The following HPCAL1 variants were observed in gnomAD, a reference collection of about 807,000 sequenced individuals.
HPCAL1 encodes hippocalcin like 1.
In HPCAL1, 8 loss-of-function variants were observed where a neutral mutation model predicts 17.1. The ratio of observed to expected loss-of-function variants is 0.47; its 90% CI spans 0.27 to 0.84. The LOEUF (loss-of-function observed/expected upper bound fraction) is 0.84, where lower values mean the gene tolerates loss of function less well. Ranked by LOEUF, HPCAL1 falls within the 40% of genes least tolerant of loss-of-function variation. The pLI, the probability that HPCAL1 is intolerant of heterozygous loss-of-function variation, is 0.13. For synonymous variants in HPCAL1, 112 were observed against 111.4 expected, an observed-to-expected ratio of 1.01 and a Z score of -0.03; for missense variants, 165 against 271.1, an observed-to-expected ratio of 0.61 and a Z score of 2.75.
rs1666678540 is a variant in HPCAL1 at position 10,363,934 on chromosome 2, G to A, written c.-110-32901G>A. On this transcript the variant is annotated intron_variant, in intron 1 of 4. Transcript: ENST00000307845. This position sits in a 1 kb window ranked among gnomAD's most constrained non-coding sequence, Gnocchi z 4.7. Reference sequence around the variant, plus strand: ...AGTGCCCTGAGCCGACTCAGCTGGTGCTCAGGGAGGCCTGATGATTCGGGG... The same window carrying A: ...AGTGCCCTGAGCCGACTCAGCTGGTACTCAGGGAGGCCTGATGATTCGGGG... Among the ~76,000 whole-genome samples the A allele has an allele frequency of 2.0e-5, 3 of 152,358 alleles. No homozygotes were observed. The South Asian group carries it at 6.2e-4, about 32-fold the overall frequency.
Position 10,323,443 on chromosome 2 carries a change from T to TGGCCCC in HPCAL1, c.-111+20267_-111+20272dup, listed in dbSNP as rs141326525. 6.8e-3 allele frequency among the ~76,000 whole-genome samples: 1,039 copies of TGGCCCC among 152,348 alleles called. 17 individuals carry two copies. Among genetic ancestry groups the TGGCCCC allele is most frequent in the African/African-American group, 0.024 (995 of 41,576 alleles). ...ATTCAGCTTTGTTTCATGCTGGATC[T>TGGCCCC]GGCCCCAGGCCTGCACCTGGCCCTG... On this transcript the variant is annotated intron_variant, in intron 1 of 4. Transcript: ENST00000307845. The surrounding 1 kb of genome is among the most constrained non-coding windows in gnomAD (Gnocchi z 4.6).
At chr2:10,375,822 G>T (rs1667521488) in intron 1 of HPCAL1, among the ~76,000 whole-genome samples, 1 of 152,188 alleles carries the variant, frequency 6.6e-6, no homozygotes, top group Admixed American at 6.5e-5. Context: ...CGAAGGAATC[G>T]ATTGACAAAC....
chr2:10,382,646 G>A (rs1377384190), intron 1 of HPCAL1, among the ~76,000 whole-genome samples: 1 of 151,238 alleles, frequency 6.6e-6, no homozygotes, highest in Non-Finnish European at 1.5e-5. Context: ...ACTGCGTGGA[G>A]GGCCACGCAT....
At chr2:10,358,831 G>A (rs115090935) in intron 1 of HPCAL1, among the ~76,000 whole-genome samples, 1,713 of 152,238 alleles carry the variant, frequency 0.011, 38 homozygotes, top group African/African-American at 0.039. Context: ...GGTACACCAA[G>A]GCAGGAACCA....
chr2:10,357,686 C>T (rs1305591300), intron 1 of HPCAL1, among the ~76,000 whole-genome samples: 1 of 152,196 alleles, frequency 6.6e-6, no homozygotes, highest in African/African-American at 2.4e-5. Context: ...GTTTGTAGAA[C>T]AGTTATTTAC....
chr2:10,345,007 CAGTCTCTTTCT>C (rs1265252920), intron 1 of HPCAL1, among the ~76,000 whole-genome samples: 1 of 151,612 alleles, frequency 6.6e-6, no homozygotes, highest in African/African-American at 2.4e-5. Context: ...CTGTGCCTTT[CAGTCTCTTTCT>C]GCCTCTCTCT....
At chr2:10,325,375 C>G (rs1254253966) in intron 1 of HPCAL1, among the ~76,000 whole-genome samples, 1 of 152,206 alleles carries the variant, frequency 6.6e-6, no homozygotes, top group African/African-American at 2.4e-5. Context: ...GCCTCTGAGG[C>G]TATCATTATT....
rs1443716969 is a variant in HPCAL1, at chr2:10,365,835, C to T, written c.-110-31000C>T. On this transcript the variant is annotated intron_variant, in intron 1 of 4. Coordinates refer to ENST00000307845, the MANE Select transcript of HPCAL1 (RefSeq NM_002149.4). The surrounding 1 kb of genome is among the most constrained non-coding windows in gnomAD (Gnocchi z 4.8). ...CTGCTGCATTCTGGGTTGAGGTCCT[C>T]TTGCTGCCTCTCTGTGAGCGAGCCT... 1.3e-5 allele frequency among the ~76,000 whole-genome samples: 2 copies of T among 152,142 alleles called. No individual in the cohort carries two copies. The highest frequency in any genetic ancestry group is 2.9e-5 in the Non-Finnish European group (2 of 68,028).
chr2:10,310,000 G>A (rs961126782), intron 1 of HPCAL1, among the ~76,000 whole-genome samples: 4 of 152,180 alleles, frequency 2.6e-5, no homozygotes, highest in Non-Finnish European at 5.9e-5. Context: ...AAATACCTTG[G>A]AAAGATCAGG....
intron 2 of HPCAL1, among the ~76,000 whole-genome samples, chr2:10,402,963 C>T (rs766549876): frequency 2.6e-5 from 4 of 152,158 alleles, no homozygotes; most frequent in Non-Finnish European, 5.9e-5. Flanking sequence ...GGTTTCCACC[C>T]GAGATATATT....
intron 1 of HPCAL1, among the ~76,000 whole-genome samples, chr2:10,338,739 A>T (rs940403814): frequency 1.3e-5 from 2 of 152,196 alleles, no homozygotes; most frequent in Admixed American, 6.5e-5. Context: ...ACCTCCATGG[A>T]TTCCGTAGAG....
intron 1 of HPCAL1, among the ~76,000 whole-genome samples, chr2:10,312,224 ACTGTCATCACCATCATCATCAC>A (rs1663017740): frequency 1.2e-5 from 1 of 86,344 alleles, no homozygotes; most frequent in African/African-American, 4.0e-5. Flanking sequence ...ATCCATCATC[ACTGTCATCACCATCATCATCAC>A]TATCATTACC....
chr2:10,312,940 A>G (rs1448558402), intron 1 of HPCAL1, among the ~76,000 whole-genome samples: 1 of 152,076 alleles, frequency 6.6e-6, no homozygotes, highest in African/African-American at 2.4e-5. Flanking sequence ...ACTGTCACCA[A>G]CATCATGGTG....
intron 1 of HPCAL1, among the ~76,000 whole-genome samples, chr2:10,349,697 T>C (rs1665712112): frequency 6.3e-5 from 4 of 63,020 alleles, no homozygotes; most frequent in East Asian, 4.6e-4. Context: ...AGCAAGACTC[T>C]GTCTCAAAAA....
rs995878943 is a variant in HPCAL1 at position 10,354,181 on chromosome 2, C to G, written c.-110-42654C>G. ...CTTCCTTAACTTGCTCTTCCTGAAG[C>G]CTCAACTCACTCATCTTCTTTCTCA... On this transcript the variant is annotated intron_variant, in intron 1 of 4. Coordinates refer to ENST00000307845, the MANE Select transcript of HPCAL1 (RefSeq NM_002149.4). The surrounding 1 kb of genome is among the most constrained non-coding windows in gnomAD (Gnocchi z 5.1). The G allele has an allele frequency of 1.3e-5, 2 of 152,236 alleles. No individual in the cohort carries two copies. The highest frequency in any genetic ancestry group is 4.8e-5 in the African/African-American group (2 of 41,444). The allele number at this position is 152,236 out of a possible 1,614,324, so 9.4% of individuals were successfully genotyped here.
chr2:10,371,829 G>A (rs984955155), intron 1 of HPCAL1, among the ~76,000 whole-genome samples: 2 of 152,186 alleles, frequency 1.3e-5, no homozygotes, highest in South Asian at 2.1e-4. Context: ...GGAGAGGCAT[G>A]TGCCCTTGGG....
chr2:10,385,588 T>A (rs891991759), intron 1 of HPCAL1, among the ~76,000 whole-genome samples: 6 of 152,094 alleles, frequency 3.9e-5, no homozygotes, highest in Non-Finnish European at 7.4e-5. Flanking sequence ...GTAGAGGAGA[T>A]CACGGCAAGC....
chr2:10,419,873 C>T lies in HPCAL1; in HGVS notation c.116C>T (p.Pro39Leu). 1 of 1,613,872 alleles carries T rather than the reference C, an allele frequency of 6.2e-7. No homozygotes were observed. Among genetic ancestry groups the T allele is most frequent in the Non-Finnish European group, 8.5e-7 (1 of 1,179,994 alleles). Reference protein sequence around the residue: ...EWYKGFLKDCPTGHLTVDEFK... With the variant: ...EWYKGFLKDCLTGHLTVDEFK... ...TACAAGGGCTTCCTCAAGGACTGCC[C>T]CACCGGCCACCTGACCGTGGACGAG... The change falls in exon 3 of 5, where the codon CCC becomes CTC. Residue 39 changes from proline (P) to leucine (L), a missense_variant. Pro to Leu is a moderately conservative substitution (Grantham distance 98). Coordinates refer to ENST00000307845, the MANE Select transcript of HPCAL1 (RefSeq NM_002149.4). The surrounding 1 kb of genome is among the most constrained non-coding windows in gnomAD (Gnocchi z 5.0).
At chr2:10,336,799 C>G (rs906248992) in intron 1 of HPCAL1, among the ~76,000 whole-genome samples, 2 of 152,222 alleles carry the variant, frequency 1.3e-5, no homozygotes, top group Non-Finnish European at 2.9e-5. Flanking sequence ...GGCTGCAGTG[C>G]TCTGGTGCTA....
Sources: allele counts gnomAD v4.1 joint callset (sites outside exome capture counted in the v4.1 genomes callset), GRCh38; gene constraint gnomAD v4.1.1; non-coding constraint Gnocchi (gnomAD v3.1); transcripts MANE v1.5; gene names NCBI Gene and HGNC (gene_info 2026-07-23, HGNC 2026-07-21).